The following EPSTI1 variants were observed in gnomAD, a reference collection of about 807,000 sequenced individuals.
EPSTI1 encodes the protein epithelial stromal interaction 1, also known as epithelial-stromal interaction protein 1.
In EPSTI1, 66 loss-of-function variants were observed where a neutral mutation model predicts 49.9. That is an observed-to-expected ratio of 1.32 (90% confidence interval 1.08 to 1.62). EPSTI1 has a LOEUF of 1.62. Ranked by LOEUF, EPSTI1 falls within the 40% of genes most tolerant of loss-of-function variation. The pLI, the probability that EPSTI1 is intolerant of heterozygous loss-of-function variation, is 0.00. For synonymous variants in EPSTI1, 137 were observed against 130.7 expected, an observed-to-expected ratio of 1.05 and a Z score of -0.33; for missense variants, 394 against 365.5, an observed-to-expected ratio of 1.08 and a Z score of -0.64.
chr13:42,901,422 A>G (rs2037349063), intron 8 of EPSTI1, among the ~76,000 whole-genome samples: 1 of 152,184 alleles, frequency 6.6e-6, no homozygotes, highest in South Asian at 2.1e-4. Flanking sequence ...TTGCTCATCA[A>G]TCCCTAAAGC....
chr13:42,979,214 G>GA lies in EPSTI1; in HGVS notation c.189-8545dup, dbSNP rs2039937908. ...TTCTCCAGGTTCCAAAAGAGAAAAGGAAAAAAATAACAATAGGCACAATGA... is the reference window on the plus strand; with the variant it reads ...TTCTCCAGGTTCCAAAAGAGAAAAGGAAAAAAAATAACAATAGGCACAATGA... On this transcript the variant is annotated intron_variant, in intron 1 of 10. Transcript: ENST00000313624. Among the ~76,000 whole-genome samples, 4 of 152,090 alleles carry GA rather than the reference G, an allele frequency of 2.6e-5. No homozygotes were observed. The South Asian group carries it at 8.3e-4, about 32-fold the overall frequency.
Position 42,897,841 on chromosome 13 carries a change from C to A in EPSTI1, c.815+2469G>T, listed in dbSNP as rs146899664. On this transcript the variant is annotated intron_variant, in intron 9 of 10. Coordinates refer to ENST00000313624, the MANE Select transcript of EPSTI1 (RefSeq NM_033255.5). ...GAATCTAAATGGGAGGGAAAAGAAC[C>A]AATTTCTATTTTTGTTTAATAGTTT... 1.3e-4 allele frequency among the ~76,000 whole-genome samples: 20 copies of A among 152,252 alleles called. No homozygotes were observed. In the East Asian group the frequency reaches 3.9e-3, roughly 29 times the overall value.
At chr13:42,983,754 C>G (rs2040030912) in intron 1 of EPSTI1, among the ~76,000 whole-genome samples, 1 of 152,026 alleles carries the variant, frequency 6.6e-6, no homozygotes, top group South Asian at 2.1e-4. Context: ...TTTCAAGACT[C>G]AGTTTCCTCA....
intron 6 of EPSTI1, among the ~76,000 whole-genome samples, chr13:42,948,286 C>A (rs765078597): frequency 6.6e-6 from 1 of 152,230 alleles, no homozygotes; most frequent in Non-Finnish European, 1.5e-5. Flanking sequence ...CAGTGCACAG[C>A]CATGGCAAGG....
At chr13:42,890,050 A>G (rs1156979738) in intron 10 of EPSTI1, among the ~76,000 whole-genome samples, 1 of 152,214 alleles carries the variant, frequency 6.6e-6, no homozygotes, top group Non-Finnish European at 1.5e-5. Flanking sequence ...ACAAAAAACT[A>G]AAAAATTCAG....
In EPSTI1 at chr13:42,946,537, G is replaced by A. The variant is rs144165859; in HGVS notation, c.563+7411C>T. 2.9e-3 allele frequency among the ~76,000 whole-genome samples: 443 copies of A among 152,262 alleles called. 1 individual carries two copies. Among genetic ancestry groups the A allele is most frequent in the African/African-American group, 0.01 (425 of 41,556 alleles). On this transcript the variant is annotated intron_variant, in intron 6 of 10. Coordinates refer to ENST00000313624, the MANE Select transcript of EPSTI1 (RefSeq NM_033255.5). ...ACGGTACTAATCCATGTTGGGTCTG[G>A]GAAGAGGAGGTCATTCATATATGCT...
At chr13:42,920,059 C>T (rs936521401) in intron 7 of EPSTI1, among the ~76,000 whole-genome samples, 2 of 152,104 alleles carry the variant, frequency 1.3e-5, no homozygotes, top group Non-Finnish European at 2.9e-5. Context: ...TTCTGTGTCC[C>T]GATTTCCCCT....
chr13:42,961,766 C>T (rs2039457942), intron 5 of EPSTI1, among the ~76,000 whole-genome samples: 1 of 152,142 alleles, frequency 6.6e-6, no homozygotes, highest in African/African-American at 2.4e-5. Context: ...GACCAGCAGC[C>T]AGTGGGGGAA....
chr13:42,932,898 A>G (rs2038425426), intron 6 of EPSTI1, among the ~76,000 whole-genome samples: 1 of 152,210 alleles, frequency 6.6e-6, no homozygotes, highest in Non-Finnish European at 1.5e-5. Flanking sequence ...CTTGTTGGAA[A>G]TTATAACTTC....
At chr13:42,964,909 T>C (rs76836465) in intron 3 of EPSTI1, among the ~76,000 whole-genome samples, 3,537 of 152,324 alleles carry the variant, frequency 0.023, 142 homozygotes, top group African/African-American at 0.081. Context: ...AATTCTCTGG[T>C]GCTTTGGTCA....
intron 10 of EPSTI1, chr13:42,889,140 A>AG: frequency 8.1e-7 from 1 of 1,231,396 alleles, no homozygotes; most frequent in Non-Finnish European, 1.2e-6. Flanking sequence ...GAGTTTCCAC[A>AG]GCATCCCAAA....
chr13:42,896,959 G>A (rs1430351718), intron 9 of EPSTI1, among the ~76,000 whole-genome samples: 1 of 152,102 alleles, frequency 6.6e-6, no homozygotes, highest in African/African-American at 2.4e-5. Flanking sequence ...AATTAGCCCG[G>A]CATGGTGGTG....
At chr13:42,898,787 A>G (rs17063823) in intron 9 of EPSTI1, among the ~76,000 whole-genome samples, 20,993 of 152,230 alleles carry the variant, frequency 0.14, 1,588 homozygotes, top group South Asian at 0.21. Context: ...ACTGTGTTTA[A>G]GATGCTTAAA....
intron 5 of EPSTI1, among the ~76,000 whole-genome samples, chr13:42,960,057 C>A (rs1446902530): frequency 5.3e-5 from 8 of 152,062 alleles, no homozygotes; most frequent in Admixed American, 5.2e-4. Flanking sequence ...AATACTACTC[C>A]ATTTTATATA....
At chr13:42,990,490 G>A (rs2040174370) in intron 1 of EPSTI1, among the ~76,000 whole-genome samples, 1 of 152,180 alleles carries the variant, frequency 6.6e-6, no homozygotes, top group Non-Finnish European at 1.5e-5. Context: ...TGCAAATCAT[G>A]TTCATCGTTA....
At chr13:42,962,760 A>C (rs1170233805) in intron 5 of EPSTI1, among the ~76,000 whole-genome samples, 2 of 152,148 alleles carry the variant, frequency 1.3e-5, no homozygotes, top group African/African-American at 4.8e-5. Context: ...AGCCTGTGCA[A>C]CAGAGTGAGA....
intron 5 of EPSTI1, among the ~76,000 whole-genome samples, chr13:42,960,011 C>T (rs1335804800): frequency 1.4e-5 from 1 of 70,648 alleles, no homozygotes; most frequent in South Asian, 5.0e-4. Flanking sequence ...CTAGAGATGA[C>T]TTAAAGCATA....
chr13:42,892,829 T>C (rs2037076677), intron 10 of EPSTI1, among the ~76,000 whole-genome samples: 2 of 152,184 alleles, frequency 1.3e-5, no homozygotes, highest in South Asian at 4.1e-4. Context: ...ACTTCACTGT[T>C]GAAAGGACAG....
intron 1 of EPSTI1, among the ~76,000 whole-genome samples, chr13:42,982,034 G>T (rs185488283): frequency 6.6e-6 from 1 of 152,190 alleles, no homozygotes; most frequent in Admixed American, 6.5e-5. Flanking sequence ...GAACCAGAGA[G>T]ATTCCACCTT....
Sources: allele counts gnomAD v4.1 joint callset (sites outside exome capture counted in the v4.1 genomes callset), GRCh38; gene constraint gnomAD v4.1.1; transcripts MANE v1.5; gene names NCBI Gene and HGNC (gene_info 2026-07-23, HGNC 2026-07-21).